PSEN2: variants seen among roughly 807,000 people sequenced by gnomAD.
The protein encoded by PSEN2 is presenilin-2.
In PSEN2, 32 loss-of-function variants were observed where a neutral mutation model predicts 49.1. The observed-to-expected ratio is 0.65, with a 90% CI of 0.49 to 0.88. The LOEUF is 0.88. Ranked by LOEUF, PSEN2 falls within the 40% of genes least tolerant of loss-of-function variation. The pLI, the probability that PSEN2 is intolerant of heterozygous loss-of-function variation, is 0.00. For synonymous variants in PSEN2, 255 were observed against 244.0 expected, an observed-to-expected ratio of 1.05 and a Z score of -0.42; for missense variants, 522 against 586.9, an observed-to-expected ratio of 0.89 and a Z score of 1.14.
chr1:226,900,940 A>G (rs193015224), downstream of PSEN2, among the ~76,000 whole-genome samples: 3 of 152,298 alleles, frequency 2.0e-5, no homozygotes, highest in East Asian at 1.9e-4. Flanking sequence ...GGTAACTACT[A>G]TTCTAATTTC....
At chr1:226,875,245 G>A (rs1462374994) in intron 2 of PSEN2, 120 bp from the exon 3 acceptor site, 1 of 152,328 alleles carries the variant, frequency 6.6e-6, no homozygotes, top group East Asian at 1.9e-4. Flanking sequence ...TGAGATGGAT[G>A]GTCAGCTGGA....
chr1:226,891,453 C>T, intron 10 of PSEN2, 92 bp downstream of exon 10: 1 of 1,178,606 alleles, frequency 8.5e-7, no homozygotes. Context: ...CCCTGAGAGG[C>T]ATGAGTTCAG....
chr1:226,895,345 C>T (rs1371021274), intron 12 of PSEN2, 79 bp from the exon 13 acceptor site: 1 of 1,545,854 alleles, frequency 6.5e-7, no homozygotes, highest in Admixed American at 1.7e-5. Context: ...AGCTCCTGTG[C>T]CCAGGGACTA....
At chr1:226,876,376 A>T (rs1003503370) in intron 3 of PSEN2, among the ~76,000 whole-genome samples, 1 of 152,168 alleles carries the variant, frequency 6.6e-6, no homozygotes, top group Non-Finnish European at 1.5e-5. Flanking sequence ...AAAAAGTTAC[A>T]GCCTTTGAGT....
At chr1:226,879,003 GACCTTACA>G (rs1329117182) in intron 3 of PSEN2, among the ~76,000 whole-genome samples, 2 of 152,104 alleles carry the variant, frequency 1.3e-5, no homozygotes, top group East Asian at 3.9e-4. Flanking sequence ...GCCAGAGGAG[GACCTTACA>G]GTTTTTTCTC....
intron 11 of PSEN2, 63 bp downstream of exon 11, chr1:226,891,907 A>G: frequency 6.8e-7 from 1 of 1,462,726 alleles, no homozygotes; most frequent in Non-Finnish European, 9.6e-7. Flanking sequence ...CAGAGGGTGG[A>G]GGCTCCCTGC....
chr1:226,903,053 A>G (rs1662365409), intron 12 of PSEN2, among the ~76,000 whole-genome samples: 1 of 152,150 alleles, frequency 6.6e-6, no homozygotes, highest in Non-Finnish European at 1.5e-5. Flanking sequence ...ATCAAAATAA[A>G]TTTTTAAAAA....
chr1:226,903,252 C>T (rs989195551), intron 12 of PSEN2, among the ~76,000 whole-genome samples: 1 of 152,130 alleles, frequency 6.6e-6, no homozygotes, highest in African/African-American at 2.4e-5. Context: ...TCAGCCCTTG[C>T]TTCTGGAAAC....
chr1:226,894,144 G>A lies in PSEN2; in HGVS notation c.1191+19G>A, dbSNP rs200034510. On this transcript the variant is annotated intron_variant, in intron 12 of 12. Transcript: ENST00000366783. ...CCTCATTGTGAGTGGCTGGGGATGC[G>A]TCCAGCTGCCTCGTGGTGGGGGCCC... The A allele has an allele frequency of 3.4e-5, 55 of 1,598,834 alleles. No individual in the cohort carries two copies. The highest frequency in any genetic ancestry group is 5.4e-5 in the African/African-American group (4 of 74,586).
rs150877518 is a variant in PSEN2 at position 226,881,656 on chromosome 1, C to T, written c.-20-232C>T. 8.9e-3 allele frequency among the ~76,000 whole-genome samples: 1,358 copies of T among 152,268 alleles called. 20 individuals carry two copies. Among genetic ancestry groups the T allele is most frequent in the African/African-American group, 0.03 (1,267 of 41,546 alleles). On this transcript the variant is annotated intron_variant, in intron 3 of 12. Transcript: ENST00000366783. ...ACTTTCGTGGCTATGCGTTTTGCCCCCTGGGATGTGAGTCACCTCAGGCCA... is the reference window on the plus strand; with the variant it reads ...ACTTTCGTGGCTATGCGTTTTGCCCTCTGGGATGTGAGTCACCTCAGGCCA...
chr1:226,887,674 G>C (rs1208797006), intron 6 of PSEN2, among the ~76,000 whole-genome samples: 1 of 152,124 alleles, frequency 6.6e-6, no homozygotes, highest in Non-Finnish European at 1.5e-5. Flanking sequence ...ATCATTACCT[G>C]CTGATATACT....
At chr1:226,887,952 C>T (rs1207225061) in intron 6 of PSEN2, 139 bp from the exon 7 acceptor site, 2 of 758,892 alleles carry the variant, frequency 2.6e-6, no homozygotes, top group African/African-American at 3.4e-5. Flanking sequence ...GTAAGGTGGC[C>T]ACCTGATCCC....
intron 11 of PSEN2, among the ~76,000 whole-genome samples, chr1:226,893,660 T>G (rs184853804): frequency 6.6e-6 from 1 of 152,336 alleles, no homozygotes; most frequent in East Asian, 1.9e-4. Context: ...GATTCAGACT[T>G]CATACTAAAT....
intron 2 of PSEN2, among the ~76,000 whole-genome samples, chr1:226,872,775 C>T (rs969348624): frequency 1.3e-5 from 2 of 152,172 alleles, no homozygotes; most frequent in Non-Finnish European, 2.9e-5. Flanking sequence ...TTCCCAGCTG[C>T]CACAGCTGCG....
chr1:226,896,336 C>G (rs1662145001), downstream of PSEN2, among the ~76,000 whole-genome samples: 1 of 152,250 alleles, frequency 6.6e-6, no homozygotes, highest in Non-Finnish European at 1.5e-5. Context: ...GGATGCTGAG[C>G]AGGTCCCTGG....
At chr1:226,891,987 A>C in intron 11 of PSEN2, 143 bp downstream of exon 11, 1 of 716,998 alleles carries the variant, frequency 1.4e-6, no homozygotes, top group Non-Finnish European at 2.5e-6. Flanking sequence ...TGAAAGTAGA[A>C]GATGCCTGCA....
chr1:226,889,978 CTCT>C, intron 8 of PSEN2, 54 bp from the exon 9 acceptor site: 1 of 1,404,134 alleles, frequency 7.1e-7, no homozygotes, highest in Non-Finnish European at 1.0e-6. Flanking sequence ...ACAGGGCAGG[CTCT>C]TCTTCAGGGG....
At chr1:226,876,795 G>T (rs776033228) in intron 3 of PSEN2, among the ~76,000 whole-genome samples, 1 of 152,162 alleles carries the variant, frequency 6.6e-6, no homozygotes, top group African/African-American at 2.4e-5. Flanking sequence ...TTTCAGGATC[G>T]AAAGGTATGC....
chr1:226,894,158 T>G (rs1171737382), intron 12 of PSEN2, 33 bp downstream of exon 12: 2 of 1,576,894 alleles, frequency 1.3e-6, no homozygotes, highest in Non-Finnish European at 8.7e-7. Context: ...AGCTGCCTCG[T>G]GGTGGGGGCC....
Sources: allele counts gnomAD v4.1 joint callset (sites outside exome capture counted in the v4.1 genomes callset), GRCh38; gene constraint gnomAD v4.1.1; transcripts MANE v1.5; gene names NCBI Gene and HGNC (gene_info 2026-07-23, HGNC 2026-07-21).